Variants in TRERF1 observed in about 807,000 individuals in gnomAD.
TRERF1 encodes the protein transcriptional regulating factor 1, also known as transcriptional-regulating factor 1.
In TRERF1, 27 loss-of-function variants were observed where a neutral mutation model predicts 122.9. That is an observed-to-expected ratio of 0.22 (90% CI 0.16 to 0.30). TRERF1 has a LOEUF of 0.30. Ranked by LOEUF, TRERF1 falls within the 10% of genes least tolerant of loss-of-function variation. The pLI, the probability that TRERF1 is intolerant of heterozygous loss-of-function variation, is 1.00. For synonymous variants in TRERF1, 636 were observed against 641.7 expected, an observed-to-expected ratio of 0.99 and a Z score of 0.13; for missense variants, 1,248 against 1,560.3, an observed-to-expected ratio of 0.80 and a Z score of 3.37.
intron 2 of TRERF1, among the ~76,000 whole-genome samples, chr6:42,444,763 A>G (rs1461481935): frequency 6.6e-6 from 1 of 151,662 alleles, no homozygotes; most frequent in African/African-American, 2.4e-5. Flanking sequence ...CAACACTTCC[A>G]AAAAACCTCT....
rs939779872 is a variant in TRERF1, at chr6:42,228,981, C to G, written c.3279-312G>C. ...GCTCTTTCTCCTCTTTCAGCCTCCC[C>G]CTTCTCCTCATCACTGACCATGCCC... is the stretch of plus-strand genomic sequence containing the variant. On this transcript the variant is annotated intron_variant, in intron 17 of 17. Transcript: ENST00000372922. The surrounding 1 kb of genome is among the most constrained non-coding windows in gnomAD (Gnocchi z 4.2). 3.3e-5 allele frequency among the ~76,000 whole-genome samples: 5 copies of G among 152,250 alleles called. No homozygotes were observed. Among genetic ancestry groups the G allele is most frequent in the Non-Finnish European group, 7.3e-5 (5 of 68,044 alleles).
intron 2 of TRERF1, among the ~76,000 whole-genome samples, chr6:42,402,181 A>AC (rs1489861917): frequency 3.9e-5 from 6 of 152,116 alleles, no homozygotes; most frequent in Admixed American, 3.3e-4. Context: ...ATGGACCCTC[A>AC]CCCAAGACCT....
At chr6:42,439,359 C>T (rs1786060029) in intron 2 of TRERF1, among the ~76,000 whole-genome samples, 1 of 152,180 alleles carries the variant, frequency 6.6e-6, no homozygotes, top group African/African-American at 2.4e-5. Flanking sequence ...GTCTCTGAGA[C>T]AGTACGTACC....
At chr6:42,431,447 T>C (rs1225055739) in intron 2 of TRERF1, among the ~76,000 whole-genome samples, 1 of 152,108 alleles carries the variant, frequency 6.6e-6, no homozygotes, top group Non-Finnish European at 1.5e-5. Context: ...GTCTGAGGTT[T>C]CTTACTCTTC....
intron 3 of TRERF1, among the ~76,000 whole-genome samples, chr6:42,311,364 A>C (rs1359674264): frequency 1.3e-5 from 2 of 152,164 alleles, no homozygotes; most frequent in Non-Finnish European, 2.9e-5. Context: ...AGAGAGTCCC[A>C]GGCAGAGGAC....
intron 17 of TRERF1, among the ~76,000 whole-genome samples, chr6:42,230,130 C>T (rs1174956723): frequency 1.3e-5 from 2 of 152,138 alleles, no homozygotes; most frequent in African/African-American, 4.8e-5. Flanking sequence ...ACACAAAACA[C>T]CTGGTTTCTA....
chr6:42,246,428 A>T (rs1231348057), intron 14 of TRERF1, 28 bp downstream of exon 14: 1 of 1,490,606 alleles, frequency 6.7e-7, no homozygotes, highest in Non-Finnish European at 9.2e-7. Flanking sequence ...TTTAATTTCA[A>T]GGGGGCAATG....
chr6:42,374,147 A>G (rs1287084677), intron 2 of TRERF1, among the ~76,000 whole-genome samples: 2 of 141,088 alleles, frequency 1.4e-5, no homozygotes, highest in East Asian at 2.2e-4. Flanking sequence ...TAAAAAAAAA[A>G]AAAAAGAAGA....
chr6:42,298,260 AT>A (rs1785433454), intron 4 of TRERF1, among the ~76,000 whole-genome samples: 2 of 151,736 alleles, frequency 1.3e-5, no homozygotes, highest in South Asian at 4.2e-4. Context: ...GGTTCAAGTG[AT>A]TCTTGTGCCT....
At chr6:42,357,766 C>A (rs140963675) in intron 3 of TRERF1, among the ~76,000 whole-genome samples, 50 of 152,278 alleles carry the variant, frequency 3.3e-4, no homozygotes, top group Non-Finnish European at 4.9e-4. Flanking sequence ...GAAGCTTAAT[C>A]CTGACTGGAA....
intron 2 of TRERF1, among the ~76,000 whole-genome samples, chr6:42,438,387 A>T (rs1785847509): frequency 6.7e-6 from 1 of 149,782 alleles, no homozygotes; most frequent in Non-Finnish European, 1.5e-5. Flanking sequence ...AGGCAGGTGG[A>T]CCACCTGAGG....
At position 42,444,138 on chromosome 6, in the gene TRERF1, A is replaced by AT. The variant is rs770701870; in HGVS notation, c.-454+7038dup. Reference sequence around the variant, plus strand: ...CACCGAGGCTGGTAGTCCATGGGATATTTTTTGTGAAAGACAACCTAAACA... The same window carrying AT: ...CACCGAGGCTGGTAGTCCATGGGATATTTTTTTGTGAAAGACAACCTAAACA... On this transcript the variant is annotated intron_variant, in intron 2 of 17. Coordinates refer to ENST00000372922, the Ensembl canonical transcript of TRERF1. Among the ~76,000 whole-genome samples, 85 of 137,040 alleles carry AT rather than the reference A, an allele frequency of 6.2e-4. 1 individual carries two copies. Among genetic ancestry groups the AT allele is most frequent in the Non-Finnish European group, 1.2e-3 (78 of 63,222 alleles). 89.9% of individuals were successfully genotyped at this position (137,040 alleles called of 152,430 possible). A position where few individuals can be genotyped will look rare whatever the true frequency, so the allele number is the denominator to read the frequency against.
At chr6:42,233,674 G>A (rs976014323) in intron 16 of TRERF1, among the ~76,000 whole-genome samples, 13 of 151,714 alleles carry the variant, frequency 8.6e-5, no homozygotes, top group Admixed American at 3.9e-4. Flanking sequence ...TCCTTTTTAG[G>A]AAATCAGGTC....
At chr6:42,226,335 A>G (rs1769503939) in exon 18 of TRERF1, 1 of 152,222 alleles carries the variant, frequency 6.6e-6, no homozygotes, top group Admixed American at 6.5e-5. Flanking sequence ...ATAAGCTTCC[A>G]TAGACCCAAT....
At chr6:42,243,536 C>A (rs1774141346) in intron 14 of TRERF1, among the ~76,000 whole-genome samples, 175 bp from the exon 15 acceptor site, 1 of 152,214 alleles carries the variant, frequency 6.6e-6, no homozygotes, top group African/African-American at 2.4e-5. Flanking sequence ...CCTCACCCTG[C>A]AACACAGGTA....
chr6:42,386,828 C>T (rs7742676), intron 2 of TRERF1, among the ~76,000 whole-genome samples: 12,591 of 152,126 alleles, frequency 0.083, 1,547 homozygotes, highest in African/African-American at 0.27. Flanking sequence ...GGATGAGATG[C>T]GCAGCAACTA....
intron 8 of TRERF1, among the ~76,000 whole-genome samples, chr6:42,260,378 A>T (rs549054835): frequency 1.3e-5 from 2 of 151,934 alleles, no homozygotes; most frequent in South Asian, 2.1e-4. Flanking sequence ...TTTGTAGCAA[A>T]CTCTTCTCTG....
rs532627352 is a variant in TRERF1, at chr6:42,448,200, G to A, written c.-454+2977C>T. Among the ~76,000 whole-genome samples the A allele has an allele frequency of 4.6e-5, 7 of 151,480 alleles. No individual in the cohort carries two copies. In the East Asian group the frequency reaches 9.6e-4, roughly 21 times the overall value. Reference sequence around the variant, plus strand: ...AGGCAAAGCCACACTGGGCTTTCTGGTCTCCAGTTTCTCCCCAAAGCTATC... The same window carrying A: ...AGGCAAAGCCACACTGGGCTTTCTGATCTCCAGTTTCTCCCCAAAGCTATC... On this transcript the variant is annotated intron_variant, in intron 2 of 17. Coordinates refer to ENST00000372922, the Ensembl canonical transcript of TRERF1.
At position 42,259,343 on chromosome 6, in the gene TRERF1, G is replaced by T; in HGVS notation, c.2265C>A (p.Arg755=). 6.7e-7 allele frequency: 1 copy of T among 1,500,086 alleles called. No homozygotes were observed. The allele number at this position is 1,500,086 out of a possible 1,614,324, so 92.9% of individuals were successfully genotyped here. ...GACGCTAAAGGGGTGACTCACTGGA[G>T]CGACACAGCAGCACCCGTGGTGTGG... The change falls in exon 9 of 18, where the codon CGC becomes CGA. Residue 755 remains arginine, a synonymous_variant. Coordinates refer to ENST00000372922, the Ensembl canonical transcript of TRERF1. This position sits in a 1 kb window ranked among gnomAD's most constrained non-coding sequence, Gnocchi z 4.9.
Sources: gnomAD v4.1 joint callset for allele counts (sites outside exome capture counted in the v4.1 genomes callset) on GRCh38, gnomAD v4.1.1 for gene constraint, Gnocchi (gnomAD v3.1) non-coding constraint, MANE v1.5 for transcripts, NCBI Gene and HGNC (gene_info 2026-07-23, HGNC 2026-07-21) for gene names.